PRKN: variants seen among roughly 807,000 people sequenced by gnomAD.
PRKN encodes the protein parkin RBR E3 ubiquitin protein ligase, also known as E3 ubiquitin-protein ligase parkin.
A neutral mutation model predicts 59.5 loss-of-function variants in PRKN; 56 were observed. The observed-to-expected ratio is 0.94, with a 90% CI of 0.76 to 1.18. PRKN has a LOEUF of 1.18. Ranked by LOEUF, PRKN falls within the 50% of genes most tolerant of loss-of-function variation. PRKN has a pLI of 0.00. For synonymous variants in PRKN, 250 were observed against 222.1 expected (o/e 1.13, Z -1.12); for missense variants, 657 against 596.4 (o/e 1.10, Z -1.06).
chr6:162,036,432 T>A (rs9347580), intron 5 of PRKN, among the ~76,000 whole-genome samples: 6 of 151,320 alleles, frequency 4.0e-5, no homozygotes, highest in African/African-American at 1.5e-4. Flanking sequence ...CAGGGTGGAG[T>A]GCAACGGCAG....
chr6:162,155,160 C>G (rs139736926), intron 4 of PRKN, among the ~76,000 whole-genome samples: 2 of 151,392 alleles, frequency 1.3e-5, no homozygotes. Context: ...AATTACTTCC[C>G]ATTAGGAGAT....
intron 7 of PRKN, among the ~76,000 whole-genome samples, chr6:161,590,142 A>G (rs1037072834): frequency 1.3e-5 from 2 of 152,158 alleles, no homozygotes; most frequent in Non-Finnish European, 2.9e-5. Context: ...TATATTTTAC[A>G]TCTAATTAAA....
intron 1 of PRKN, among the ~76,000 whole-genome samples, chr6:162,587,084 T>C (rs567327654): frequency 6.6e-6 from 1 of 152,304 alleles, no homozygotes; most frequent in South Asian, 2.1e-4. Flanking sequence ...TTAACAAACA[T>C]TTAATTAAAA....
At chr6:161,651,716 T>C (rs1411861526) in intron 7 of PRKN, among the ~76,000 whole-genome samples, 1 of 152,168 alleles carries the variant, frequency 6.6e-6, no homozygotes, top group Non-Finnish European at 1.5e-5. Flanking sequence ...TTCCATAAGC[T>C]GATATACCTT....
intron 5 of PRKN, among the ~76,000 whole-genome samples, chr6:162,049,273 A>G (rs1777524286): frequency 6.6e-6 from 1 of 151,920 alleles, no homozygotes; most frequent in Non-Finnish European, 1.5e-5. Flanking sequence ...TCAAAATTTT[A>G]ATAAACTTAA....
intron 2 of PRKN, among the ~76,000 whole-genome samples, chr6:162,272,581 C>A (rs907438277): frequency 1.2e-4 from 18 of 152,188 alleles, no homozygotes; most frequent in African/African-American, 4.1e-4. Flanking sequence ...CCCAACAGAA[C>A]CACATGCGAG....
At chr6:161,380,592 T>G (rs1785930057) in intron 10 of PRKN, among the ~76,000 whole-genome samples, 1 of 152,050 alleles carries the variant, frequency 6.6e-6, no homozygotes, top group Non-Finnish European at 1.5e-5. Context: ...TGCGTGGTAA[T>G]AAAAGGTGCT....
chr6:161,439,877 A>G (rs1162767029), intron 9 of PRKN, among the ~76,000 whole-genome samples: 1 of 152,182 alleles, frequency 6.6e-6, no homozygotes, highest in Non-Finnish European at 1.5e-5. Context: ...GACTTGGTCA[A>G]GGTCGTCCCA....
Position 161,760,693 on chromosome 6 carries a change from C to G in PRKN, c.871+25079G>C, listed in dbSNP as rs186492791. 8.0e-3 allele frequency among the ~76,000 whole-genome samples: 1,225 copies of G among 152,290 alleles called. 13 individuals are homozygous for G. The highest frequency in any genetic ancestry group is 0.011 in the Non-Finnish European group (762 of 68,006). ...CCTGAATTTTTGTGGTCGTGGGACA[C>G]AGAACCCCGTCCATGGCTGAACTAA... On this transcript the variant is annotated intron_variant, in intron 7 of 11. Coordinates refer to ENST00000366898, the MANE Select transcript of PRKN (RefSeq NM_004562.3).
At chr6:161,943,818 G>A (rs962340799) in intron 6 of PRKN, among the ~76,000 whole-genome samples, 5 of 151,808 alleles carry the variant, frequency 3.3e-5, no homozygotes, top group African/African-American at 1.2e-4. Flanking sequence ...AGCAGCCTGA[G>A]GAATCAGCCT....
rs770833008 is a variant in PRKN, at chr6:162,056,140, A to T, written c.535-1966T>A. 1.3e-5 allele frequency among the ~76,000 whole-genome samples: 2 copies of T among 150,646 alleles called. No homozygotes were observed. Among genetic ancestry groups the T allele is most frequent in the Middle Eastern group, 6.8e-3 (2 of 292 alleles). ...CACATGCATGCACGCACACCAAGACACACCACACACGCACGCACACCAAAA... is the reference window on the plus strand; with the variant it reads ...CACATGCATGCACGCACACCAAGACTCACCACACACGCACGCACACCAAAA... On this transcript the variant is annotated intron_variant, in intron 4 of 11. Transcript: ENST00000366898. The surrounding 1 kb of genome is among the most constrained non-coding windows in gnomAD (Gnocchi z 4.9).
chr6:162,041,078 G>A (rs987956024), intron 5 of PRKN, among the ~76,000 whole-genome samples: 10 of 151,998 alleles, frequency 6.6e-5, no homozygotes, highest in African/African-American at 1.7e-4. Flanking sequence ...CCAGCTACTC[G>A]GGAGGCTGAG....
At chr6:162,300,779 C>T (rs1442182180) in intron 2 of PRKN, among the ~76,000 whole-genome samples, 1 of 152,122 alleles carries the variant, frequency 6.6e-6, no homozygotes, top group Non-Finnish European at 1.5e-5. Flanking sequence ...GGTCTGTAAC[C>T]TGTACTCAGA....
chr6:161,713,945 T>C (rs1214274515), intron 7 of PRKN, among the ~76,000 whole-genome samples: 4 of 152,166 alleles, frequency 2.6e-5, no homozygotes, highest in African/African-American at 4.8e-5. Context: ...CTCTTGCCTG[T>C]CACCATGAAA....
rs201640028 is a variant in PRKN, at chr6:161,678,568, A to ATTTTT, written c.871+107199_871+107203dup. Among the ~76,000 whole-genome samples the ATTTTT allele has an allele frequency of 1.5e-4, 18 of 121,426 alleles. 1 individual carries two copies. The highest frequency in any genetic ancestry group is 3.5e-4 in the African/African-American group (10 of 28,700). 79.7% of individuals were successfully genotyped at this position (121,426 alleles called of 152,430 possible). On this transcript the variant is annotated intron_variant, in intron 7 of 11. Transcript: ENST00000366898. The stretch of plus-strand genomic sequence containing the variant: ...AATTCCACTCTTATTTTGGTGCCTG[A>ATTTTT]TTTTTTTTTTTTTTTTTTTTTGAGA...
intron 5 of PRKN, among the ~76,000 whole-genome samples, chr6:161,990,768 GCAAA>G (rs1377436726): frequency 6.6e-6 from 1 of 152,066 alleles, no homozygotes; most frequent in Admixed American, 6.6e-5. Flanking sequence ...ACACCACAAA[GCAAA>G]CAAATGGAAT....
At chr6:161,384,454 G>T (rs1786138988) in intron 10 of PRKN, among the ~76,000 whole-genome samples, 1 of 151,768 alleles carries the variant, frequency 6.6e-6, no homozygotes, top group Non-Finnish European at 1.5e-5. Flanking sequence ...GAGGTGGCAG[G>T]GTTGCCTGAG....
At chr6:161,696,648 G>A (rs1786034599) in intron 7 of PRKN, among the ~76,000 whole-genome samples, 1 of 152,124 alleles carries the variant, frequency 6.6e-6, no homozygotes, top group South Asian at 2.1e-4. Context: ...TCTAGATGTA[G>A]ATCTAGACAT....
intron 6 of PRKN, among the ~76,000 whole-genome samples, chr6:161,838,559 G>A (rs1375076687): frequency 6.6e-6 from 1 of 152,174 alleles, no homozygotes; most frequent in Non-Finnish European, 1.5e-5. Context: ...AAGTGTTCAG[G>A]CCTCAGCCTG....
Sources: allele counts gnomAD v4.1 joint callset (sites outside exome capture counted in the v4.1 genomes callset), GRCh38; gene constraint gnomAD v4.1.1; non-coding constraint Gnocchi (gnomAD v3.1); transcripts MANE v1.5; gene names NCBI Gene and HGNC (gene_info 2026-07-23, HGNC 2026-07-21).